Variants in LAMA4 observed in about 807,000 individuals in gnomAD.
The protein encoded by LAMA4 is laminin subunit alpha 4.
Under a neutral mutation model 207.1 loss-of-function variants are expected in LAMA4, and 127 were observed. The observed-to-expected ratio is 0.61, with a 90% CI of 0.53 to 0.71. The LOEUF is 0.71. Among genes scored for constraint, LAMA4 ranks in the 30% least tolerant of loss-of-function variants. The pLI, the probability that LAMA4 is intolerant of heterozygous loss-of-function variation, is 0.00. For missense variants in LAMA4, 2,093 were observed against 2,246.5 expected (o/e 0.93, Z 1.38); for synonymous variants, 761 against 816.0 (o/e 0.93, Z 1.15).
chr6:112,160,435 C>G (rs1392388028), intron 13 of LAMA4, among the ~76,000 whole-genome samples: 2 of 143,868 alleles, frequency 1.4e-5, no homozygotes, highest in Non-Finnish European at 3.1e-5. Context: ...TATCTCCCGT[C>G]AAAAAACAAA....
Position 112,191,806 on chromosome 6 carries a change from G to T in LAMA4, c.548C>A (p.Thr183Asn), listed in dbSNP as rs1554349180. 1 of 1,614,054 alleles carries T rather than the reference G, an allele frequency of 6.2e-7. No individual in the cohort carries two copies. Among genetic ancestry groups the T allele is most frequent in the Admixed American group, 1.7e-5 (1 of 60,022 alleles). ...TCCACTGCAGTCACATTTCTTACAG[G>T]TGCTTCCAATGAGTAAGGGGTTTCC... The part of the protein sequence containing the change: ...YYGNPLLIGS[T>N]CKKCDCSGNS... Residue 183 changes from threonine to asparagine, a missense_variant, in exon 6 of 39, where the codon ACC (threonine) becomes AAC (asparagine). Around this residue, in one of 3 missense-constraint regions of LAMA4, gnomAD observed 1,704 missense variants for 1,788.4 expected, o/e 0.95. Coordinates refer to ENST00000230538, the MANE Select transcript of LAMA4 (RefSeq NM_001105206.3).
chr6:112,156,829 A>G (rs1000136128), intron 14 of LAMA4, among the ~76,000 whole-genome samples: 1 of 151,970 alleles, frequency 6.6e-6, no homozygotes. Flanking sequence ...GACTTTCTCT[A>G]TATTTCTTTG....
At chr6:112,176,418 G>T (rs1352390642) in intron 10 of LAMA4, among the ~76,000 whole-genome samples, 1 of 152,156 alleles carries the variant, frequency 6.6e-6, no homozygotes, top group African/African-American at 2.4e-5. Flanking sequence ...CAGACAAGAT[G>T]GGTAAACAAA....
rs372074151 is a variant in LAMA4 at position 112,191,687 on chromosome 6, G to C, written c.667C>G (p.Arg223Gly). ...LRNTTGFKCE[R>G]CAPGYYGDAR... is the part of the protein sequence containing the mutation. ...TCCCCATAGTAGCCAGGAGCGCAACGTTCACACTTGAATCCGGTGGTGTTG... is the reference window on the plus strand; with the variant it reads ...TCCCCATAGTAGCCAGGAGCGCAACCTTCACACTTGAATCCGGTGGTGTTG... The change falls in exon 6 of 39, where the codon CGT becomes GGT. Residue 223 changes from arginine to glycine, a missense_variant. Transcript: ENST00000230538. The C allele has an allele frequency of 4.3e-6, 7 of 1,614,086 alleles. No homozygotes were observed. The Middle Eastern group carries it at 5.0e-4, about 114-fold the overall frequency.
At chr6:112,216,260 T>C in intron 3 of LAMA4, 108 bp downstream of exon 3, 1 of 766,280 alleles carries the variant, frequency 1.3e-6, no homozygotes, top group South Asian at 1.4e-5. Flanking sequence ...AAGCACTTGA[T>C]TAGCAGTTTG....
intron 2 of LAMA4, among the ~76,000 whole-genome samples, chr6:112,235,373 T>G (rs1785845319): frequency 6.6e-6 from 1 of 152,180 alleles, no homozygotes; most frequent in Non-Finnish European, 1.5e-5. Context: ...ACATTAACAG[T>G]AGAAAAATTC....
At chr6:112,182,639 A>G (rs762407604) in intron 9 of LAMA4, among the ~76,000 whole-genome samples, 45 of 152,134 alleles carry the variant, frequency 3.0e-4, no homozygotes, top group Non-Finnish European at 6.3e-4. Flanking sequence ...AAGGAGTAGA[A>G]GTGGAGGAGA....
intron 3 of LAMA4, among the ~76,000 whole-genome samples, chr6:112,210,713 A>G (rs537231105): frequency 6.6e-6 from 1 of 152,296 alleles, no homozygotes; most frequent in East Asian, 1.9e-4. Context: ...TGTAAGGTGA[A>G]ATTGTGTAGA....
chr6:112,188,464 CA>C (rs547383298), intron 7 of LAMA4, among the ~76,000 whole-genome samples: 81 of 152,236 alleles, frequency 5.3e-4, no homozygotes, highest in African/African-American at 1.9e-3. Context: ...AGATGTAATC[CA>C]ATGGTAAGGT....
At chr6:112,144,196 C>T (rs1779877930) in intron 19 of LAMA4, among the ~76,000 whole-genome samples, 1 of 152,206 alleles carries the variant, frequency 6.6e-6, no homozygotes, top group South Asian at 2.1e-4. Flanking sequence ...AATGCCAGCC[C>T]TAGTTATCTT....
rs1479320263 is a variant in LAMA4 at position 112,254,359 on chromosome 6, C to T, written c.-141-68G>A. 4 of 607,710 alleles carry T rather than the reference C, an allele frequency of 6.6e-6. No homozygotes were observed. In the Admixed American group the frequency reaches 1.1e-4, roughly 17 times the overall value. The allele number at this position is 607,710 out of a possible 1,614,324, so 37.6% of individuals were successfully genotyped here. ...AGCCTCTCTCTCCCTCTCTCTCTCTCCCCTTCTCCCCCTCTCTCTCCCTCT... is the reference window on the plus strand; with the variant it reads ...AGCCTCTCTCTCCCTCTCTCTCTCTTCCCTTCTCCCCCTCTCTCTCCCTCT... On this transcript the variant is annotated intron_variant, in intron 1 of 38. Coordinates refer to ENST00000230538, the MANE Select transcript of LAMA4 (RefSeq NM_001105206.3).
chr6:112,198,681 A>G (rs1337053241), intron 5 of LAMA4, among the ~76,000 whole-genome samples: 1 of 152,184 alleles, frequency 6.6e-6, no homozygotes, highest in Non-Finnish European at 1.5e-5. Context: ...AATCAGTGGC[A>G]CTATTTAGCT....
chr6:112,245,013 C>A (rs1786807202), intron 2 of LAMA4, among the ~76,000 whole-genome samples: 1 of 152,160 alleles, frequency 6.6e-6, no homozygotes, highest in African/African-American at 2.4e-5. Flanking sequence ...TAAACCGCAG[C>A]CCATCTCCAG....
In LAMA4 at chr6:112,141,268, A is replaced by G. The variant is rs552627364; in HGVS notation, c.2813+90T>C. ...TATAACATCCACAGGAAGACTGTGT[A>G]TGTGTGTGTGTGTGTGCACGCACAT... On this transcript the variant is annotated intron_variant, in intron 21 of 38. Coordinates refer to ENST00000230538, the MANE Select transcript of LAMA4 (RefSeq NM_001105206.3). 2.1e-4 allele frequency: 227 copies of G among 1,077,830 alleles called. No homozygotes were observed. In the African/African-American group the frequency reaches 2.9e-3, roughly 14 times the overall value. The allele number at this position is 1,077,830 out of a possible 1,614,324, so 66.8% of individuals were successfully genotyped here. A position where few individuals can be genotyped will look rare whatever the true frequency, so the allele number is the denominator to read the frequency against.
intron 14 of LAMA4, chr6:112,158,404 C>T (rs941221359): frequency 2.6e-5 from 9 of 348,900 alleles, no homozygotes; most frequent in Middle Eastern, 9.5e-4. Context: ...TGTCTTTGGT[C>T]ATCCTACTAA....
chr6:112,225,684 G>C (rs1785172567), intron 2 of LAMA4, among the ~76,000 whole-genome samples: 2 of 152,196 alleles, frequency 1.3e-5, no homozygotes, highest in Admixed American at 1.3e-4. Flanking sequence ...GGGGTGGGCT[G>C]TAGGACTAGG....
chr6:112,224,939 T>TA (rs1785127801), intron 2 of LAMA4, among the ~76,000 whole-genome samples: 2 of 61,042 alleles, frequency 3.3e-5, no homozygotes, highest in East Asian at 3.9e-3. Context: ...TCTTTCTCAG[T>TA]TTTTTTTTTT....
At position 112,132,876 on chromosome 6, in the gene LAMA4, T is replaced by C. The variant is rs782816810; in HGVS notation, c.3711A>G (p.Ala1237=). The C allele has an allele frequency of 3.9e-5, 63 of 1,613,032 alleles. No individual in the cohort carries two copies. Among genetic ancestry groups the C allele is most frequent in the Non-Finnish European group, 5.3e-5 (62 of 1,179,388 alleles). ...CAATGAAGCTCTGTCCATTGAAATATGCTCTGCGAGATATCTGTGTGCCAG... is the reference window on the plus strand; with the variant it reads ...CAATGAAGCTCTGTCCATTGAAATACGCTCTGCGAGATATCTGTGTGCCAG... ...CPEDSLISRR[A]YFNGQSFIAS... is the part of the protein sequence containing the mutation. The change falls in exon 28 of 39, where the codon GCA becomes GCG. Residue 1237 remains alanine, a synonymous_variant. Transcript: ENST00000230538.
Position 112,142,169 on chromosome 6 carries a change from C to T in LAMA4, c.2617G>A (p.Glu873Lys). The change falls in exon 20 of 39, where the codon GAA (glutamate) becomes AAA (lysine). Residue 873 changes from glutamate to lysine, a missense_variant. Coordinates refer to ENST00000230538, the MANE Select transcript of LAMA4 (RefSeq NM_001105206.3). ...LYMKPPVKRP[E>K]LTETADQFIL... ...AACTGATCTGCAGTCTCGGTCAGTT[C>T]CGGCCGCTTCACAGGGGGTTTCATG... 6.2e-7 allele frequency: 1 copy of T among 1,614,090 alleles called. No individual in the cohort carries two copies. The highest frequency in any genetic ancestry group is 1.1e-5 in the South Asian group (1 of 91,068).
Sources: gnomAD v4.1 joint callset for allele counts (sites outside exome capture counted in the v4.1 genomes callset) on GRCh38, gnomAD v4.1.1 for gene constraint, gnomAD v4.1.1 regional missense constraint, MANE v1.5 for transcripts, NCBI Gene and HGNC (gene_info 2026-07-23, HGNC 2026-07-21) for gene names.